Variants in SLC43A2 observed in about 807,000 individuals in gnomAD.
The protein encoded by SLC43A2 is solute carrier family 43 member 2.
In SLC43A2, 38 loss-of-function variants were observed where a neutral mutation model predicts 63.2. The ratio of observed to expected loss-of-function variants is 0.60; its 90% CI spans 0.46 to 0.79. The LOEUF (loss-of-function observed/expected upper bound fraction) is 0.79. SLC43A2 is among the 30% of genes least tolerant of loss of function. The pLI is 0.00. For synonymous variants in SLC43A2, 322 were observed against 331.0 expected, an observed-to-expected ratio of 0.97 and a Z score of 0.30; for missense variants, 644 against 756.2, an observed-to-expected ratio of 0.85 and a Z score of 1.74.
chr17:1,608,696 C>T (rs544945678), intron 5 of SLC43A2, among the ~76,000 whole-genome samples: 23 of 152,132 alleles, frequency 1.5e-4, no homozygotes, highest in Admixed American at 2.6e-4. Flanking sequence ...ACCCGGCCAC[C>T]GCAGTGGTTT....
chr17:1,591,724 TGGGGGGG>T, intron 6 of SLC43A2, 25 bp from the exon 7 acceptor site: 2 of 218,400 alleles, frequency 9.2e-6, no homozygotes, highest in Non-Finnish European at 1.9e-5. Context: ...GGGGACGGGG[TGGGGGGG>T]GGAGGGGGCA....
In SLC43A2 at chr17:1,605,414, A is replaced by C; in HGVS notation, c.501+7781T>G. ...ACAGTGCGGGCGCGGGAGCTTCTCT[A>C]AGATGCCGGACGTACGTGCCTTTTG... On this transcript the variant is annotated intron_variant, in intron 5 of 13. Transcript: ENST00000301335. This position sits in a 1 kb window ranked among gnomAD's most constrained non-coding sequence, Gnocchi z 4.9. 5.4e-6 allele frequency: 1 copy of C among 184,270 alleles called. No homozygotes were observed. Among genetic ancestry groups the C allele is most frequent in the Non-Finnish European group, 1.0e-5 (1 of 97,130 alleles). The allele number at this position is 184,270 out of a possible 1,614,324, so 11.4% of individuals were successfully genotyped here.
In SLC43A2 at chr17:1,575,869, GA is replaced by G. The variant is rs112530717; in HGVS notation, c.1549-105del. ...GGAAAGGGGAGAAGGTCACGGGGTGGAAGGGGGAACGAAACAGGAAGGCCCA... is the reference window on the plus strand; with the variant it reads ...GGAAAGGGGAGAAGGTCACGGGGTGGAGGGGGAACGAAACAGGAAGGCCCA... On this transcript the variant is annotated intron_variant, in intron 13 of 13. Transcript: ENST00000301335. 90 of 1,341,962 alleles carry G rather than the reference GA, an allele frequency of 6.7e-5. 1 individual carries two copies. The highest frequency in any genetic ancestry group is 4.3e-4 in the Admixed American group (17 of 39,408). 83.1% of individuals were successfully genotyped at this position (1,341,962 alleles called of 1,614,324 possible). A position where few individuals can be genotyped will look rare whatever the true frequency, so the allele number is the denominator to read the frequency against.
chr17:1,583,528 C>G lies in SLC43A2; in HGVS notation c.1218-192G>C. 1 of 868,792 alleles carries G rather than the reference C, an allele frequency of 1.2e-6. No individual in the cohort carries two copies. Among genetic ancestry groups the G allele is most frequent in the Non-Finnish European group, 1.7e-6 (1 of 589,968 alleles). The allele number at this position is 868,792 out of a possible 1,614,324, so 53.8% of individuals were successfully genotyped here. On this transcript the variant is annotated intron_variant, in intron 10 of 13. Coordinates refer to ENST00000301335, the MANE Select transcript of SLC43A2 (RefSeq NM_152346.3). This position sits in a 1 kb window ranked among gnomAD's most constrained non-coding sequence, Gnocchi z 5.5. ...CTCCCCGGCCCTTCTCAGTGGCAAG[C>G]TGAGTGTGACTCTCGGAGGGGGTCT...
At chr17:1,624,952 G>C (rs1908534607) in intron 2 of SLC43A2, among the ~76,000 whole-genome samples, 1 of 152,138 alleles carries the variant, frequency 6.6e-6, no homozygotes, top group Non-Finnish European at 1.5e-5. Flanking sequence ...CCCTGACCCT[G>C]TTGAAGCGGG....
At chr17:1,589,180 C>T (rs775843700) in intron 9 of SLC43A2, among the ~76,000 whole-genome samples, 20 of 152,218 alleles carry the variant, frequency 1.3e-4, no homozygotes, top group Non-Finnish European at 2.5e-4. Flanking sequence ...GGAAACATTC[C>T]TCCTGGGCAG....
chr17:1,578,620 T>C lies in SLC43A2; in HGVS notation c.1351-297A>G. ...TTGGCTCACTGCAAGCTTCGCCTCC[T>C]GGATTCAAGCAATTCTCCTGCCTCA... On this transcript the variant is annotated intron_variant, in intron 11 of 13. Coordinates refer to ENST00000301335, the MANE Select transcript of SLC43A2 (RefSeq NM_152346.3). The surrounding 1 kb of genome is among the most constrained non-coding windows in gnomAD (Gnocchi z 6.5). 1.2e-5 allele frequency: 4 copies of C among 346,232 alleles called. No individual in the cohort carries two copies. The highest frequency in any genetic ancestry group is 2.1e-5 in the Non-Finnish European group (4 of 187,748). The allele number at this position is 346,232 out of a possible 1,614,324, so 21.4% of individuals were successfully genotyped here.
At chr17:1,592,426 C>T (rs1904908311) in intron 6 of SLC43A2, among the ~76,000 whole-genome samples, 1 of 152,080 alleles carries the variant, frequency 6.6e-6, no homozygotes, top group Admixed American at 6.5e-5. Context: ...GACCCTGTTC[C>T]CCCCCAAAAA....
Position 1,615,573 on chromosome 17 carries a change from A to G in SLC43A2, c.369-539T>C, listed in dbSNP as rs377208557. On this transcript the variant is annotated intron_variant, in intron 3 of 13. Coordinates refer to ENST00000301335, the MANE Select transcript of SLC43A2 (RefSeq NM_152346.3). ...AAGAATGGCATAGGGGCCAGGCACG[A>G]TGGCTCACGCCTGTAATCCCAGCAC... Among the ~76,000 whole-genome samples, 108 of 150,210 alleles carry G rather than the reference A, an allele frequency of 7.2e-4. No homozygotes were observed. The East Asian group carries it at 9.4e-3, about 13-fold the overall frequency.
intron 5 of SLC43A2, among the ~76,000 whole-genome samples, chr17:1,600,997 G>A (rs143146838): frequency 1.3e-5 from 2 of 152,008 alleles, no homozygotes; most frequent in South Asian, 2.1e-4. Flanking sequence ...CAAGAATCGC[G>A]TTGCATATTT....
At chr17:1,579,129 A>G (rs2075975041) in intron 11 of SLC43A2, among the ~76,000 whole-genome samples, 1 of 119,744 alleles carries the variant, frequency 8.4e-6, no homozygotes. Flanking sequence ...ACAAAGTGAG[A>G]CTCTGTCTCA....
rs2075970220 is a variant in SLC43A2 at position 1,578,798 on chromosome 17, G to T, written c.1351-475C>A. 1.3e-5 allele frequency: 2 copies of T among 152,854 alleles called. No individual in the cohort carries two copies. Among genetic ancestry groups the T allele is most frequent in the South Asian group, 1.8e-4 (1 of 5,482 alleles). 9.5% of individuals were successfully genotyped at this position (152,854 alleles called of 1,614,324 possible). On this transcript the variant is annotated intron_variant, in intron 11 of 13. Transcript: ENST00000301335. The surrounding 1 kb of genome is among the most constrained non-coding windows in gnomAD (Gnocchi z 6.5). ...CCGCCTCAGCCTCCCAAAATGATGG[G>T]ATTACAGGCATGAGCCACTGCGCCC...
chr17:1,610,934 G>A (rs534621873), intron 5 of SLC43A2, among the ~76,000 whole-genome samples: 33 of 150,654 alleles, frequency 2.2e-4, no homozygotes, highest in Non-Finnish European at 4.1e-4. Context: ...TCCGCCTCCC[G>A]GCCTCAAGCG....
At chr17:1,612,840 CG>C (rs1183923112) in intron 5 of SLC43A2, among the ~76,000 whole-genome samples, 1 of 152,176 alleles carries the variant, frequency 6.6e-6, no homozygotes, top group Non-Finnish European at 1.5e-5. Context: ...GGTGTGGTGG[CG>C]CACGCCCATA....
rs1014966394 is a variant in SLC43A2, at chr17:1,591,674, A to G, written c.620T>C (p.Phe207Ser). ...GGCCCAGACCACGAGGACGACGATGAAGGAGACACCAGCATCATAGATGAG... is the reference window on the plus strand; with the variant it reads ...GGCCCAGACCACGAGGACGACGATGGAGGAGACACCAGCATCATAGATGAG... ...IKLIYDAGVS[F>S]IVVLVVWAGC... Residue 207 changes from phenylalanine (F) to serine (S), a missense_variant, in exon 7 of 14, where the codon TTC becomes TCC. By Grantham distance (155) the Phe-to-Ser change is radical (BLOSUM62 -2). Transcript: ENST00000301335. 7.1e-6 allele frequency: 10 copies of G among 1,405,166 alleles called. No homozygotes were observed. The highest frequency in any genetic ancestry group is 9.5e-6 in the Non-Finnish European group (10 of 1,049,672). The allele number at this position is 1,405,166 out of a possible 1,614,324, so 87.0% of individuals were successfully genotyped here.
At chr17:1,587,115 T>TGCATTTCCCTCC (rs1567617271) in intron 9 of SLC43A2, among the ~76,000 whole-genome samples, 1 of 152,208 alleles carries the variant, frequency 6.6e-6, no homozygotes, top group East Asian at 1.9e-4. Context: ...CATTTCCCAC[T>TGCATTTCCCTCC]AAGCGTGACT....
intron 10 of SLC43A2, among the ~76,000 whole-genome samples, chr17:1,584,850 C>T (rs1471289207): frequency 1.3e-5 from 2 of 151,764 alleles, no homozygotes; most frequent in Admixed American, 1.3e-4. Flanking sequence ...AAAAAGAAAA[C>T]AGCGTTTAAC....
In SLC43A2 at chr17:1,605,801, C is replaced by T. The variant is rs546036920; in HGVS notation, c.501+7394G>A. Among the ~76,000 whole-genome samples, 2 of 152,312 alleles carry T rather than the reference C, an allele frequency of 1.3e-5. No individual in the cohort carries two copies. The highest frequency in any genetic ancestry group is 3.9e-4 in the East Asian group (2 of 5,184). On this transcript the variant is annotated intron_variant, in intron 5 of 13. Transcript: ENST00000301335. The surrounding 1 kb of genome is among the most constrained non-coding windows in gnomAD (Gnocchi z 4.9). ...CCTACCCACAACAACCGGGCACCTC[C>T]AAGCACATGCTGCCCGGGACAAGGT...
In SLC43A2 at chr17:1,575,464, G is replaced by T; in HGVS notation, c.*140C>A. 1 of 1,129,078 alleles carries T rather than the reference G, an allele frequency of 8.9e-7. No individual in the cohort carries two copies. The highest frequency in any genetic ancestry group is 1.3e-6 in the Non-Finnish European group (1 of 774,616). The allele number at this position is 1,129,078 out of a possible 1,614,324, so 69.9% of individuals were successfully genotyped here. On this transcript the variant is annotated 3_prime_UTR_variant, in exon 14 of 14. Transcript: ENST00000301335. The stretch of plus-strand genomic sequence containing the variant: ...CCGTCCTTCCACCACAGAGCTCCGA[G>T]GCAGGGCCCCGGGAGGGAGCGTGAA...
Sources: allele counts gnomAD v4.1 joint callset (sites outside exome capture counted in the v4.1 genomes callset), GRCh38; gene constraint gnomAD v4.1.1; non-coding constraint Gnocchi (gnomAD v3.1); transcripts MANE v1.5; gene names NCBI Gene and HGNC (gene_info 2026-07-23, HGNC 2026-07-21).